The following RNF185 variants were observed in gnomAD, a reference collection of about 807,000 sequenced individuals.
RNF185 encodes ring finger protein 185, also known as E3 ubiquitin-protein ligase RNF185.
A neutral mutation model predicts 24.9 loss-of-function variants in RNF185; 13 were observed. That is an observed-to-expected ratio of 0.52 (90% CI 0.34 to 0.83). The LOEUF (loss-of-function observed/expected upper bound fraction) is 0.83. Ranked by LOEUF, RNF185 falls within the 40% of genes least tolerant of loss-of-function variation. The probability of loss-of-function intolerance (pLI) is 0.01; values close to 1 mark genes in which losing one functional copy is unlikely to be tolerated. For synonymous variants in RNF185, 79 were observed against 90.3 expected, an observed-to-expected ratio of 0.88 and a Z score of 0.71; for missense variants, 184 against 244.7, an observed-to-expected ratio of 0.75 and a Z score of 1.65.
chr22:31,198,790 T>C (rs920327412), intron 5 of RNF185, among the ~76,000 whole-genome samples: 3 of 141,550 alleles, frequency 2.1e-5, no homozygotes, highest in African/African-American at 7.9e-5. Flanking sequence ...GAGTCAGGGA[T>C]CTTGAAAGAA....
intron 3 of RNF185, 120 bp downstream of exon 3, chr22:31,192,822 C>T (rs1416825036): frequency 4.6e-6 from 4 of 872,424 alleles, no homozygotes; most frequent in South Asian, 2.9e-5. Flanking sequence ...CATTTGCTTA[C>T]TTACCCCCAC....
At chr22:31,167,610 CTTTTTTT>C (rs150121453) in intron 1 of RNF185, among the ~76,000 whole-genome samples, 6 of 107,376 alleles carry the variant, frequency 5.6e-5, no homozygotes, top group Non-Finnish European at 7.1e-5. Context: ...GGGTTTTTTC[CTTTTTTT>C]TTTTTTTTTT....
intron 5 of RNF185, among the ~76,000 whole-genome samples, chr22:31,198,641 C>T (rs1373160563): frequency 4.0e-5 from 6 of 150,082 alleles, no homozygotes; most frequent in Non-Finnish European, 7.4e-5. Flanking sequence ...TCAGATGATC[C>T]GCCCTCCTTG....
chr22:31,178,292 G>C (rs1224608467), intron 1 of RNF185, among the ~76,000 whole-genome samples: 2 of 152,180 alleles, frequency 1.3e-5, no homozygotes, highest in Admixed American at 6.5e-5. Context: ...AGTCCCTGTG[G>C]ATTGTAGCTG....
At chr22:31,184,021 C>G (rs1385832800) in intron 1 of RNF185, among the ~76,000 whole-genome samples, 1 of 149,394 alleles carries the variant, frequency 6.7e-6, no homozygotes, top group Non-Finnish European at 1.5e-5. Flanking sequence ...GGGCTGCCCC[C>G]CCCCACCTCC....
chr22:31,199,162 A>C (rs1416976802), intron 5 of RNF185, among the ~76,000 whole-genome samples: 1 of 152,152 alleles, frequency 6.6e-6, no homozygotes, highest in Non-Finnish European at 1.5e-5. Context: ...CTTAATAATA[A>C]TACTAGCAGT....
At chr22:31,184,979 G>C (rs2048084591) in intron 1 of RNF185, among the ~76,000 whole-genome samples, 1 of 125,484 alleles carries the variant, frequency 8.0e-6, no homozygotes, top group Non-Finnish European at 1.9e-5. Flanking sequence ...AATTTTTTAA[G>C]ATTTTTTTTT....
At chr22:31,173,416 G>GACACACAC (rs55812227) in intron 1 of RNF185, among the ~76,000 whole-genome samples, 18,053 of 146,734 alleles carry the variant, frequency 0.12, 1,131 homozygotes, top group Admixed American at 0.19. Flanking sequence ...CACACACACA[G>GACACACAC]ACACACACAC....
rs1438409520 is a variant in RNF185 at position 31,187,130 on chromosome 22, T to C, written c.36T>C (p.Pro12=). The C allele has an allele frequency of 1.2e-6, 2 of 1,612,464 alleles. No homozygotes were observed. Among genetic ancestry groups the C allele is most frequent in the Admixed American group, 1.7e-5 (1 of 59,652 alleles). Residue 12 remains proline, a synonymous_variant, in exon 2 of 7, where the codon CCT becomes CCC. Transcript: ENST00000326132. ...ASKGPSASAS[P]ENSSAGGPSG... ...AGGGGCCCTCGGCCTCTGCATCTCC[T>C]GAGAACTCCAGTGCAGGGGGGCCCA...
intron 2 of RNF185, among the ~76,000 whole-genome samples, chr22:31,189,013 C>T (rs937598102): frequency 8.1e-5 from 12 of 147,812 alleles, no homozygotes; most frequent in African/African-American, 3.0e-4. Context: ...GTAGTCCCAG[C>T]TGCTGGGGAG....
At chr22:31,176,053 A>G (rs758616984) in intron 1 of RNF185, among the ~76,000 whole-genome samples, 1 of 151,826 alleles carries the variant, frequency 6.6e-6, no homozygotes, top group Non-Finnish European at 1.5e-5. Flanking sequence ...GTGAGCCACC[A>G]TGCTTGGCCT....
intron 1 of RNF185, among the ~76,000 whole-genome samples, chr22:31,177,564 G>A (rs2047995162): frequency 6.6e-6 from 1 of 152,134 alleles, no homozygotes; most frequent in South Asian, 2.1e-4. Context: ...TGAGTGTGAT[G>A]TAGACATTCT....
chr22:31,165,864 A>G (rs926895257), intron 1 of RNF185, among the ~76,000 whole-genome samples: 2 of 152,222 alleles, frequency 1.3e-5, no homozygotes, highest in Non-Finnish European at 2.9e-5. Context: ...ATAGCTACAT[A>G]ACTACAGTGC....
At chr22:31,189,859 G>A (rs962791056) in intron 2 of RNF185, among the ~76,000 whole-genome samples, 1 of 152,084 alleles carries the variant, frequency 6.6e-6, no homozygotes, top group Admixed American at 6.6e-5. Flanking sequence ...CTCCCATAGT[G>A]CTGGGATTAC....
At chr22:31,200,543 G>A (rs1389040321) in intron 5 of RNF185, among the ~76,000 whole-genome samples, 1 of 152,234 alleles carries the variant, frequency 6.6e-6, no homozygotes, top group African/African-American at 2.4e-5. Flanking sequence ...TTAACATGGT[G>A]CCTAGCACAG....
chr22:31,174,699 A>G (rs929436997), intron 1 of RNF185, among the ~76,000 whole-genome samples: 2 of 152,084 alleles, frequency 1.3e-5, no homozygotes, highest in African/African-American at 4.8e-5. Context: ...CTTTTTTAAA[A>G]ATGAAACATG....
intron 1 of RNF185, among the ~76,000 whole-genome samples, chr22:31,172,759 A>AG: frequency 6.6e-6 from 1 of 151,756 alleles, no homozygotes; most frequent in East Asian, 1.9e-4. Flanking sequence ...AAAAAAAAAA[A>AG]AAAAAAAAAG....
At chr22:31,169,628 C>T (rs1203777968) in intron 1 of RNF185, among the ~76,000 whole-genome samples, 2 of 152,012 alleles carry the variant, frequency 1.3e-5, no homozygotes, top group Non-Finnish European at 2.9e-5. Flanking sequence ...CTCACTGCAA[C>T]CTCTGCCTCC....
chr22:31,184,995 T>TA (rs897652024), intron 1 of RNF185, among the ~76,000 whole-genome samples: 46 of 149,898 alleles, frequency 3.1e-4, no homozygotes, highest in African/African-American at 7.4e-4. Context: ...TTTTTTTTTT[T>TA]AAAAAGAAAC....
Sources: allele counts gnomAD v4.1 joint callset (sites outside exome capture counted in the v4.1 genomes callset), GRCh38; gene constraint gnomAD v4.1.1; transcripts MANE v1.5; gene names NCBI Gene and HGNC (gene_info 2026-07-23, HGNC 2026-07-21).